ANKRD36C: variants seen among roughly 807,000 people sequenced by gnomAD.
ANKRD36C encodes the protein ankyrin repeat domain 36C, also known as ankyrin repeat domain-containing protein 36C.
Under a neutral mutation model 276.4 loss-of-function variants are expected in ANKRD36C, and 61 were observed. The observed-to-expected ratio is 0.22, with a 90% confidence interval of 0.18 to 0.27. The LOEUF (loss-of-function observed/expected upper bound fraction) is 0.27, where lower values mean the gene tolerates loss of function less well. Among genes scored for constraint, ANKRD36C ranks in the 10% least tolerant of loss-of-function variants. ANKRD36C has a pLI of 1.00. For missense variants in ANKRD36C, 1,447 were observed against 2,032.3 expected (o/e 0.71, Z 5.54); for synonymous variants, 483 against 680.1 (o/e 0.71, Z 4.51).
At chr2:95,943,439 C>T (rs1422621872) in intron 19 of ANKRD36C, among the ~76,000 whole-genome samples, 1 of 150,572 alleles carries the variant, frequency 6.6e-6, no homozygotes, top group Non-Finnish European at 1.5e-5. Context: ...GAGCCGAGAT[C>T]GCCCACTGCC....
intron 50 of ANKRD36C, among the ~76,000 whole-genome samples, chr2:95,887,631 T>C (rs1676231806): frequency 5.3e-5 from 8 of 151,736 alleles, no homozygotes; most frequent in Admixed American, 5.3e-4. Context: ...ATTGAAAACA[T>C]GCTGTAGAAT....
intron 8 of ANKRD36C, among the ~76,000 whole-genome samples, chr2:95,961,611 C>T (rs1678461646): frequency 6.6e-6 from 1 of 151,982 alleles, no homozygotes; most frequent in Admixed American, 6.6e-5. Context: ...AAAAACAAAG[C>T]CAATATATGC....
At chr2:95,956,389 G>C (rs1409281737) in intron 13 of ANKRD36C, among the ~76,000 whole-genome samples, 4 of 152,214 alleles carry the variant, frequency 2.6e-5, no homozygotes, top group Non-Finnish European at 5.9e-5. Flanking sequence ...ACTCTAAAGA[G>C]AGTTAATATA....
rs577193963 is a variant in ANKRD36C, at chr2:95,893,745, A to G, written c.2756-1885T>C. The G allele has an allele frequency of 3.1e-6, 5 of 1,604,586 alleles. No individual in the cohort carries two copies. In the African/African-American group the frequency reaches 6.7e-5, roughly 21 times the overall value. ...AGACACTGAAAAGCAAAAGGGATTC[A>G]TAATCACTCATATGTAAATATGACA... On this transcript the variant is annotated intron_variant, in intron 44 of 66. Coordinates refer to ENST00000456556, the Ensembl canonical transcript of ANKRD36C.
intron 64 of ANKRD36C, 27 bp downstream of exon 84, chr2:95,853,682 T>C (rs1675342795): frequency 1.3e-6 from 2 of 1,560,622 alleles, no homozygotes; most frequent in Non-Finnish European, 1.7e-6. Flanking sequence ...GATTAACAGT[T>C]GTTGGTGTGC....
rs1412316602 is a variant in ANKRD36C at position 95,887,921 on chromosome 2, T to C, written c.3061+4A>G. The C allele has an allele frequency of 6.3e-7, 1 of 1,581,508 alleles. No individual in the cohort carries two copies. Among genetic ancestry groups the C allele is most frequent in the East Asian group, 2.3e-5 (1 of 43,460 alleles). ...ATGACATTAAATGTGTTTTGTGAAA[T>C]TACCTGTTCCAGATTGTTGTCCATC... On this transcript the variant is annotated splice_donor_region_variant and intron_variant, in intron 50 of 66. Coordinates refer to ENST00000456556, the Ensembl canonical transcript of ANKRD36C.
At chr2:95,886,479 G>A (rs1218629326) in intron 50 of ANKRD36C, among the ~76,000 whole-genome samples, 1 of 151,564 alleles carries the variant, frequency 6.6e-6, no homozygotes, top group Non-Finnish European at 1.5e-5. Context: ...TTTGTCATAT[G>A]ACTAAAACTA....
chr2:95,884,330 G>C lies in ANKRD36C; in HGVS notation c.3192+10C>G. 1.2e-6 allele frequency: 2 copies of C among 1,610,742 alleles called. No individual in the cohort carries two copies. The highest frequency in any genetic ancestry group is 1.7e-6 in the Non-Finnish European group (2 of 1,179,112). ...TTACTAGTTCACAATATAAATAAGA[G>C]TTTAATTACCTTCAAGGCTGGTTGT... On this transcript the variant is annotated intron_variant, in intron 53 of 66. Coordinates refer to ENST00000456556, the Ensembl canonical transcript of ANKRD36C.
At position 95,919,234 on chromosome 2, in the gene ANKRD36C, T is replaced by G. The variant is rs1677199646; in HGVS notation, c.2246-1192A>C. Among the ~76,000 whole-genome samples, 2 of 133,996 alleles carry G rather than the reference T, an allele frequency of 1.5e-5. 1 individual carries two copies. Among genetic ancestry groups the G allele is most frequent in the Non-Finnish European group, 3.4e-5 (2 of 59,638 alleles). 87.9% of individuals were successfully genotyped at this position (133,996 alleles called of 152,430 possible). A position where few individuals can be genotyped will look rare whatever the true frequency, so the allele number is the denominator to read the frequency against. ...AAACCCCTAAATTATATAAATAACT[T>G]CTTTTCCCTCCTTCCTGCCTGACAA... On this transcript the variant is annotated intron_variant, in intron 34 of 66. Coordinates refer to ENST00000456556, the Ensembl canonical transcript of ANKRD36C.
chr2:95,948,890 G>A (rs1678125681), intron 16 of ANKRD36C, among the ~76,000 whole-genome samples: 2 of 152,204 alleles, frequency 1.3e-5, no homozygotes, highest in Middle Eastern at 3.4e-3. Flanking sequence ...TAATGGCACA[G>A]CCAGACAATA....
At chr2:95,972,403 C>T (rs549048310) in intron 6 of ANKRD36C, among the ~76,000 whole-genome samples, 1 of 152,148 alleles carries the variant, frequency 6.6e-6, no homozygotes, top group African/African-American at 2.4e-5. Context: ...TGTCAAAATT[C>T]GAAGCTACAG....
exon 39 of ANKRD36C, chr2:95,914,281 G>C: frequency 6.4e-7 from 1 of 1,550,570 alleles, no homozygotes; most frequent in Non-Finnish European, 8.7e-7. Flanking sequence ...TTACCTTCAA[G>C]CCTGCTGGTT....
chr2:95,964,846 A>G (rs1678554230), intron 6 of ANKRD36C, among the ~76,000 whole-genome samples: 2 of 152,106 alleles, frequency 1.3e-5, no homozygotes. Flanking sequence ...CATGTACACA[A>G]GACTTTGTGG....
At chr2:95,929,665 A>G (rs1323023149) in intron 24 of ANKRD36C, among the ~76,000 whole-genome samples, 2 of 151,680 alleles carry the variant, frequency 1.3e-5, no homozygotes, top group African/African-American at 2.4e-5. Context: ...GCAAGATATC[A>G]GTATGATTTG....
intron 20 of ANKRD36C, among the ~76,000 whole-genome samples, chr2:95,939,804 C>A (rs938493075): frequency 1.3e-5 from 2 of 152,302 alleles, no homozygotes; most frequent in African/African-American, 4.8e-5. Flanking sequence ...AAAATCGTTT[C>A]TAAAAATACT....
chr2:95,953,990 C>A (rs1241597352), exon 14 of ANKRD36C: 14 of 1,535,452 alleles, frequency 9.1e-6, no homozygotes, highest in Admixed American at 2.0e-5. Flanking sequence ...CAACAGCATC[C>A]GGTCTGTAGA....
At position 95,891,542 on chromosome 2, in the gene ANKRD36C, A is replaced by G. The variant is rs1169867468; in HGVS notation, c.2857+123T>C. 5 of 1,288,632 alleles carry G rather than the reference A, an allele frequency of 3.9e-6. No individual in the cohort carries two copies. The South Asian group carries it at 5.5e-5, about 14-fold the overall frequency. 79.8% of individuals were successfully genotyped at this position (1,288,632 alleles called of 1,614,324 possible). A position where few individuals can be genotyped will look rare whatever the true frequency, so the allele number is the denominator to read the frequency against. On this transcript the variant is annotated intron_variant, in intron 46 of 66. Transcript: ENST00000456556. ...TCACCCAAGAACTTATTTGAAATGA[A>G]GAATCTCAGGACTGCTGTATCAGAA...
At chr2:95,885,522 T>C (rs1426992200) in intron 52 of ANKRD36C, among the ~76,000 whole-genome samples, 1 of 151,428 alleles carries the variant, frequency 6.6e-6, no homozygotes, top group African/African-American at 2.4e-5. Context: ...CACTCAGCTT[T>C]CCTCAACAGA....
intron 41 of ANKRD36C, 43 bp downstream of exon 43, chr2:95,912,364 C>T (rs768108306): frequency 5.0e-6 from 8 of 1,603,242 alleles, no homozygotes; most frequent in Middle Eastern, 2.3e-4. Context: ...GTTTCATAGG[C>T]TTTACGTTTA....
Sources: gnomAD v4.1 joint callset for allele counts (sites outside exome capture counted in the v4.1 genomes callset) on GRCh38, gnomAD v4.1.1 for gene constraint, MANE v1.5 for transcripts, NCBI Gene and HGNC (gene_info 2026-07-23, HGNC 2026-07-21) for gene names.